CRLF3: variants seen among roughly 807,000 people sequenced by gnomAD.
The protein encoded by CRLF3 is cytokine receptor-like factor 3.
Under a neutral mutation model 55.0 loss-of-function variants are expected in CRLF3, and 33 were observed. The ratio of observed to expected loss-of-function variants is 0.60; its 90% CI spans 0.46 to 0.80. The LOEUF is 0.80. Among genes scored for constraint, CRLF3 ranks in the 30% least tolerant of loss-of-function variants. The pLI is 0.00. For synonymous variants in CRLF3, 238 were observed against 196.8 expected (o/e 1.21, Z -1.75); for missense variants, 494 against 538.4 (o/e 0.92, Z 0.82).
intron 5 of CRLF3, 196 bp from the exon 6 acceptor site, chr17:30,792,768 T>C (rs1202914832): frequency 1.1e-5 from 5 of 465,776 alleles, no homozygotes; most frequent in Admixed American, 3.3e-5. Flanking sequence ...TATTCCTGCA[T>C]AATTTTGACA....
intron 6 of CRLF3, among the ~76,000 whole-genome samples, chr17:30,790,133 G>A (rs985600424): frequency 1.3e-5 from 2 of 152,080 alleles, no homozygotes; most frequent in African/African-American, 2.4e-5. Flanking sequence ...TTACTTAGCT[G>A]GAGAGGAATA....
intron 2 of CRLF3, among the ~76,000 whole-genome samples, chr17:30,802,237 C>T (rs1317023103): frequency 6.6e-6 from 1 of 151,246 alleles, no homozygotes; most frequent in African/African-American, 2.4e-5. Context: ...ATTCTCCTGC[C>T]TCAGCCTCCC....
rs1217319356 is a variant in CRLF3 at position 30,804,123 on chromosome 17, C to G, written c.130-15G>C. 2 of 1,558,290 alleles carry G rather than the reference C, an allele frequency of 1.3e-6. No homozygotes were observed. The highest frequency in any genetic ancestry group is 1.8e-6 in the Non-Finnish European group (2 of 1,131,846). ...CTTTCTTTGATCTAAAAAGAAATAA[C>G]AAAATACTCAAAATCAGAATCTTTA... On this transcript the variant is annotated splice_polypyrimidine_tract_variant and intron_variant, in intron 1 of 7. Transcript: ENST00000324238.
At chr17:30,821,464 C>T (rs769589451) in intron 1 of CRLF3, among the ~76,000 whole-genome samples, 2 of 152,090 alleles carry the variant, frequency 1.3e-5, no homozygotes, top group Non-Finnish European at 2.9e-5. Flanking sequence ...AACATGTCCA[C>T]ACAAAAAGTT....
intron 6 of CRLF3, among the ~76,000 whole-genome samples, chr17:30,790,464 TTA>T (rs1424162017): frequency 2.0e-5 from 3 of 152,196 alleles, no homozygotes; most frequent in African/African-American, 7.2e-5. Flanking sequence ...ACAACATTAA[TTA>T]GTGGTAGGGG....
At chr17:30,795,496 C>CA (rs540173272) in intron 4 of CRLF3, among the ~76,000 whole-genome samples, 16,695 of 100,316 alleles carry the variant, frequency 0.17, 1,307 homozygotes, top group Non-Finnish European at 0.24. Context: ...AACTCTGTCT[C>CA]AAAAAAAAAA....
chr17:30,809,244 C>T (rs561685915), intron 1 of CRLF3, among the ~76,000 whole-genome samples: 89 of 152,296 alleles, frequency 5.8e-4, no homozygotes, highest in African/African-American at 2.0e-3. Context: ...TCCAAATTCA[C>T]CTCCTGTACT....
intron 5 of CRLF3, 93 bp downstream of exon 5, chr17:30,793,357 G>T: frequency 1.1e-6 from 1 of 885,310 alleles, no homozygotes; most frequent in Middle Eastern, 3.3e-4. Flanking sequence ...TCTATGCTTA[G>T]AATAGCTGGT....
intron 1 of CRLF3, among the ~76,000 whole-genome samples, chr17:30,822,963 G>A (rs1905038778): frequency 6.6e-6 from 1 of 152,154 alleles, no homozygotes; most frequent in African/African-American, 2.4e-5. Context: ...GAAAGGCCTT[G>A]AAAAGTATTC....
chr17:30,821,817 T>C (rs1905006246), intron 1 of CRLF3, among the ~76,000 whole-genome samples: 1 of 151,958 alleles, frequency 6.6e-6, no homozygotes, highest in Non-Finnish European at 1.5e-5. Flanking sequence ...AATATATACT[T>C]GAATTAGACA....
intron 1 of CRLF3, among the ~76,000 whole-genome samples, chr17:30,806,587 T>C (rs1228190173): frequency 6.6e-6 from 1 of 152,164 alleles, no homozygotes; most frequent in Non-Finnish European, 1.5e-5. Flanking sequence ...TTCTAGGGGA[T>C]ATGACAGGAA....
At position 30,796,086 on chromosome 17, in the gene CRLF3, C is replaced by G. The variant is rs955807977; in HGVS notation, c.603+74G>C. Reference sequence around the variant, plus strand: ...AAAGAATGTATTTAAAAGTAGTCAACGAAAAAATCTGAAAGGCCTCCAAAT... The same window carrying G: ...AAAGAATGTATTTAAAAGTAGTCAAGGAAAAAATCTGAAAGGCCTCCAAAT... On this transcript the variant is annotated intron_variant, in intron 4 of 7. Transcript: ENST00000324238. The G allele has an allele frequency of 4.6e-6, 5 of 1,089,968 alleles. No homozygotes were observed. The South Asian group carries it at 6.9e-5, about 15-fold the overall frequency. The allele number at this position is 1,089,968 out of a possible 1,614,324, so 67.5% of individuals were successfully genotyped here.
At chr17:30,793,716 TTC>T (rs773208198) in intron 4 of CRLF3, 44 bp from the exon 5 acceptor site, 30 of 1,408,866 alleles carry the variant, frequency 2.1e-5, no homozygotes, top group African/African-American at 4.3e-5. Context: ...AGAAAATGAC[TTC>T]TCTCAGCATC....
At chr17:30,816,237 G>A (rs547476213) in intron 1 of CRLF3, among the ~76,000 whole-genome samples, 39 of 148,502 alleles carry the variant, frequency 2.6e-4, no homozygotes, top group African/African-American at 9.4e-4. Flanking sequence ...AGCCGAGATC[G>A]CACCACTGCA....
At chr17:30,784,757 AAT>A in intron 7 of CRLF3, 2 of 223,274 alleles carry the variant, frequency 9.0e-6, no homozygotes, top group Non-Finnish European at 1.8e-5. Flanking sequence ...TCACCAACAC[AAT>A]TTTTTTTTTT....
In CRLF3 at chr17:30,797,185, A is replaced by G. The variant is rs558187765; in HGVS notation, c.425+126T>C. On this transcript the variant is annotated intron_variant, in intron 3 of 7. Transcript: ENST00000324238. ...GGATTACAGGTGTAAACCACCACGC[A>G]TGGTCTGAAAACCTTGAAATATATA... The G allele has an allele frequency of 1.2e-5, 9 of 737,942 alleles. No homozygotes were observed. In the South Asian group the frequency reaches 1.3e-4, roughly 11 times the overall value. 45.7% of individuals were successfully genotyped at this position (737,942 alleles called of 1,614,324 possible). A position where few individuals can be genotyped will look rare whatever the true frequency, so the allele number is the denominator to read the frequency against.
intron 2 of CRLF3, among the ~76,000 whole-genome samples, chr17:30,803,338 A>G (rs1567664549): frequency 6.6e-6 from 1 of 152,142 alleles, no homozygotes; most frequent in Non-Finnish European, 1.5e-5. Flanking sequence ...ATAACTAATT[A>G]TAACTAACAC....
chr17:30,821,210 C>T (rs1293083996), intron 1 of CRLF3, among the ~76,000 whole-genome samples: 3 of 151,272 alleles, frequency 2.0e-5, no homozygotes, highest in Non-Finnish European at 2.9e-5. Context: ...GGTGATGGCA[C>T]GTGCCTGTAG....
Position 30,803,935 on chromosome 17 carries a change from G to A in CRLF3, c.303C>T (p.His101=), listed in dbSNP as rs749659965. 8.1e-6 allele frequency: 13 copies of A among 1,612,010 alleles called. No homozygotes were observed. The highest frequency in any genetic ancestry group is 5.0e-5 in the Admixed American group (3 of 59,994). The change falls in exon 2 of 8, where the codon CAC becomes CAT. Residue 101 remains histidine, a synonymous_variant. Coordinates refer to ENST00000324238, the MANE Select transcript of CRLF3 (RefSeq NM_015986.4). ...PLDDCQKLIE[H]GVNTAEDLVR... Reference sequence around the variant, plus strand: ...CTAAGTCCTCTGCAGTGTTGACTCCGTGTTCTATGAGCTTCTGGCAGTCAT... The same window carrying A: ...CTAAGTCCTCTGCAGTGTTGACTCCATGTTCTATGAGCTTCTGGCAGTCAT...
Sources: gnomAD v4.1 joint callset for allele counts (sites outside exome capture counted in the v4.1 genomes callset) on GRCh38, gnomAD v4.1.1 for gene constraint, MANE v1.5 for transcripts, NCBI Gene and HGNC (gene_info 2026-07-23, HGNC 2026-07-21) for gene names.